Variants in AP3B1 observed in about 807,000 individuals in gnomAD.
AP3B1 encodes the protein adaptor related protein complex 3 subunit beta 1.
AP3B1 carries 61 observed loss-of-function variants against 132.5 expected under a neutral mutation model. The ratio of observed to expected loss-of-function variants is 0.46; its 90% CI spans 0.37 to 0.57. AP3B1 has a LOEUF of 0.57. Ranked by LOEUF, AP3B1 falls within the 20% of genes least tolerant of loss-of-function variation. The pLI is 0.00. For missense variants in AP3B1, 1,120 were observed against 1,289.4 expected, an observed-to-expected ratio of 0.87 and a Z score of 2.01; for synonymous variants, 388 against 438.3, an observed-to-expected ratio of 0.89 and a Z score of 1.43.
chr5:78,214,766 C>T (rs1561481692), intron 7 of AP3B1, among the ~76,000 whole-genome samples: 1 of 152,074 alleles, frequency 6.6e-6, no homozygotes, highest in Non-Finnish European at 1.5e-5. Context: ...CAAAACTGTA[C>T]TTTGCTCAAT....
In AP3B1 at chr5:78,076,741, A is replaced by G. The variant is rs1456252659; in HGVS notation, c.2577+12652T>C. Among the ~76,000 whole-genome samples, 4 of 152,174 alleles carry G rather than the reference A, an allele frequency of 2.6e-5. 1 individual carries two copies. Among genetic ancestry groups the G allele is most frequent in the Non-Finnish European group, 5.9e-5 (4 of 68,028 alleles). The stretch of plus-strand genomic sequence containing the variant: ...CAATATTTCAAACAATCAAGGCTAT[A>G]TGATGAAGCCTCAATAAAGACTCTG... On this transcript the variant is annotated intron_variant, in intron 22 of 26. Coordinates refer to ENST00000255194, the MANE Select transcript of AP3B1 (RefSeq NM_003664.5).
intron 26 of AP3B1, among the ~76,000 whole-genome samples, chr5:78,007,600 T>C (rs1032839029): frequency 5.9e-5 from 9 of 152,180 alleles, no homozygotes; most frequent in African/African-American, 2.2e-4. Flanking sequence ...CGCACGATCA[T>C]TATATGTAAG....
chr5:78,269,211 A>C (rs1748452814), intron 1 of AP3B1, among the ~76,000 whole-genome samples: 2 of 152,130 alleles, frequency 1.3e-5, no homozygotes, highest in African/African-American at 4.8e-5. Flanking sequence ...TGAAAACAAT[A>C]GTTGTTTCAA....
intron 3 of AP3B1, among the ~76,000 whole-genome samples, chr5:78,236,033 C>T (rs1303083627): frequency 6.6e-6 from 1 of 151,928 alleles, no homozygotes. Context: ...AAAGGCTTAA[C>T]CATGTTTCAA....
At chr5:78,240,572 A>G (rs1268640823) in intron 3 of AP3B1, among the ~76,000 whole-genome samples, 1 of 152,170 alleles carries the variant, frequency 6.6e-6, no homozygotes, top group Non-Finnish European at 1.5e-5. Flanking sequence ...AGTCCCTGGA[A>G]CAAAATTTAA....
intron 2 of AP3B1, among the ~76,000 whole-genome samples, chr5:78,244,560 A>G (rs1747291518): frequency 6.6e-6 from 1 of 152,248 alleles, no homozygotes; most frequent in Non-Finnish European, 1.5e-5. Flanking sequence ...CTGAGAAGCC[A>G]GCTGAATATA....
chr5:78,247,559 T>A (rs1295608123), intron 2 of AP3B1, among the ~76,000 whole-genome samples: 1 of 151,794 alleles, frequency 6.6e-6, no homozygotes, highest in Non-Finnish European at 1.5e-5. Context: ...ACATGTAAGA[T>A]TATTATGTCT....
intron 22 of AP3B1, chr5:78,043,182 C>A (rs1287799279): frequency 1.3e-5 from 2 of 153,500 alleles, no homozygotes; most frequent in Non-Finnish European, 2.9e-5. Context: ...GTCGTCCAGG[C>A]TGGAGTGCGG....
chr5:78,222,308 C>G (rs563172738), intron 6 of AP3B1: 2 of 153,770 alleles, frequency 1.3e-5, no homozygotes, highest in East Asian at 3.8e-4. Flanking sequence ...TGAAATTGAA[C>G]AATATTGCCT....
chr5:78,003,571 CAT>C (rs1174090316), intron 26 of AP3B1: 5 of 302,348 alleles, frequency 1.7e-5, no homozygotes, highest in Admixed American at 6.5e-5. Context: ...TGAATTCACT[CAT>C]GTAACAATAT....
At chr5:78,025,020 A>T (rs1197743562) in intron 24 of AP3B1, among the ~76,000 whole-genome samples, 1 of 152,088 alleles carries the variant, frequency 6.6e-6, no homozygotes, top group Non-Finnish European at 1.5e-5. Flanking sequence ...ATGTTTTAGT[A>T]AAAATACATG....
At chr5:78,032,186 T>C (rs972878327) in intron 24 of AP3B1, among the ~76,000 whole-genome samples, 1 of 152,240 alleles carries the variant, frequency 6.6e-6, no homozygotes, top group African/African-American at 2.4e-5. Flanking sequence ...ATTATAATGA[T>C]ATAGAATTAA....
intron 24 of AP3B1, among the ~76,000 whole-genome samples, chr5:78,032,148 T>C (rs983138607): frequency 9.8e-5 from 15 of 152,356 alleles, no homozygotes; most frequent in African/African-American, 3.4e-4. Flanking sequence ...TTAACAGTTC[T>C]GTCTATATCT....
In AP3B1 at chr5:78,227,447, G is replaced by A. The variant is rs1561488477; in HGVS notation, c.461C>T (p.Ala154Val). ...TAAGTCAGCAGAAGCTTCCTTAATA[G>A]CAAGCATCATGATAGGTACAATAAT... is the stretch of plus-strand genomic sequence containing the variant. ...VPIIVPIMML[A>V]IKEASADLSP... Residue 154 changes from alanine (A) to valine (V), a missense_variant, in exon 5 of 27, where the codon GCT becomes GTT. Ala to Val is a moderately conservative substitution (Grantham distance 64, BLOSUM62 0). This residue lies in a region of AP3B1 where 129 missense variants were observed against 212.4 expected (regional missense o/e 0.61). Coordinates refer to ENST00000255194, the MANE Select transcript of AP3B1 (RefSeq NM_003664.5). 1 of 1,613,684 alleles carries A rather than the reference G, an allele frequency of 6.2e-7. No individual in the cohort carries two copies. Among genetic ancestry groups the A allele is most frequent in the Non-Finnish European group, 8.5e-7 (1 of 1,179,748 alleles).
intron 22 of AP3B1, among the ~76,000 whole-genome samples, chr5:78,074,408 T>G (rs1749675456): frequency 6.6e-6 from 1 of 152,214 alleles, no homozygotes; most frequent in South Asian, 2.1e-4. Context: ...AAAAATGTTT[T>G]CAATTGAAGC....
chr5:78,039,727 G>C (rs1339720327), intron 22 of AP3B1, among the ~76,000 whole-genome samples: 1 of 146,488 alleles, frequency 6.8e-6, no homozygotes, highest in African/African-American at 2.5e-5. Context: ...GCAGTGAGCC[G>C]AGATCGCGCC....
chr5:78,292,662 A>G (rs1033921326), intron 1 of AP3B1, among the ~76,000 whole-genome samples: 1 of 152,204 alleles, frequency 6.6e-6, no homozygotes, highest in African/African-American at 2.4e-5. Context: ...TAATAAATGT[A>G]AAGTGGTGTG....
chr5:78,127,951 A>G, intron 17 of AP3B1, 79 bp downstream of exon 17: 1 of 1,546,044 alleles, frequency 6.5e-7, no homozygotes, highest in Non-Finnish European at 8.9e-7. Flanking sequence ...ACTCTCCAAA[A>G]AAGCTTTTAT....
chr5:78,284,175 G>A (rs556691982), intron 1 of AP3B1, among the ~76,000 whole-genome samples: 1 of 152,144 alleles, frequency 6.6e-6, no homozygotes, highest in Non-Finnish European at 1.5e-5. Context: ...TAGAGTGGTG[G>A]AGAAATTAAA....
Sources: allele counts gnomAD v4.1 joint callset (sites outside exome capture counted in the v4.1 genomes callset), GRCh38; gene constraint gnomAD v4.1.1; regional missense constraint gnomAD v4.1.1; transcripts MANE v1.5; gene names NCBI Gene and HGNC (gene_info 2026-07-23, HGNC 2026-07-21).